CYP3A4: variants seen among roughly 807,000 people sequenced by gnomAD.
CYP3A4 encodes the protein cytochrome P450 family 3 subfamily A member 4.
In CYP3A4, 41 loss-of-function variants were observed where a neutral mutation model predicts 54.9. That is an observed-to-expected ratio of 0.75 (90% CI 0.58 to 0.97). The LOEUF (loss-of-function observed/expected upper bound fraction) is 0.97, where lower values mean the gene tolerates loss of function less well. CYP3A4 is among the 50% of genes least tolerant of loss of function. The pLI, the probability that CYP3A4 is intolerant of heterozygous loss-of-function variation, is 0.00. For synonymous variants in CYP3A4, 179 were observed against 205.2 expected, an observed-to-expected ratio of 0.87 and a Z score of 1.09; for missense variants, 510 against 597.3, an observed-to-expected ratio of 0.85 and a Z score of 1.52.
chr7:99,761,324 G>A (rs958196905), intron 11 of CYP3A4, among the ~76,000 whole-genome samples: 9 of 152,164 alleles, frequency 5.9e-5, no homozygotes, highest in East Asian at 3.9e-4. Context: ...GGAAAAGTAG[G>A]TTCCTGCCTC....
chr7:99,758,705 G>A (rs1356048338), intron 12 of CYP3A4, among the ~76,000 whole-genome samples: 1 of 152,162 alleles, frequency 6.6e-6, no homozygotes, highest in Non-Finnish European at 1.5e-5. Context: ...AGGTAAACCT[G>A]GGTAGTTATT....
intron 3 of CYP3A4, among the ~76,000 whole-genome samples, chr7:99,777,283 A>G (rs980930361): frequency 2.6e-5 from 4 of 152,138 alleles, no homozygotes; most frequent in African/African-American, 9.7e-5. Context: ...GAATAGGCAG[A>G]CACTGGACAG....
At chr7:99,770,059 T>C in intron 5 of CYP3A4, 63 bp downstream of exon 5, 2 of 1,562,010 alleles carry the variant, frequency 1.3e-6, no homozygotes, top group Non-Finnish European at 8.8e-7. Context: ...GATCTTATTT[T>C]ATACCTGTCC....
At chr7:99,760,767 T>G (rs1815298630) in intron 12 of CYP3A4, 52 bp downstream of exon 12, 1 of 1,589,378 alleles carries the variant, frequency 6.3e-7, no homozygotes, top group Non-Finnish European at 8.6e-7. Flanking sequence ...TACAGACCAC[T>G]CAGTTAAAAG....
In CYP3A4 at chr7:99,774,431, G is replaced by A. The variant is rs543244209; in HGVS notation, c.219-1742C>T. 1.8e-4 allele frequency among the ~76,000 whole-genome samples: 28 copies of A among 152,106 alleles called. No homozygotes were observed. The South Asian group carries it at 2.3e-3, about 12-fold the overall frequency. On this transcript the variant is annotated intron_variant, in intron 3 of 12. Transcript: ENST00000651514. ...CAATATCCCTAAAGAATATCGATGC[G>A]AAAATCCTCAATAAAATACTGGCAA...
In CYP3A4 at chr7:99,757,054, T is replaced by C. The variant is rs974020894; in HGVS notation, c.*1079A>G. ...GGTGTTGAGGATGGAATGCAAGAGG[T>C]GTAGGGAAACATGTTTTCTGTCTCC... On this transcript the variant is annotated 3_prime_UTR_variant, in exon 13 of 13. Transcript: ENST00000651514. 8 of 152,094 alleles carry C rather than the reference T, an allele frequency of 5.3e-5. No individual in the cohort carries two copies. Among genetic ancestry groups the C allele is most frequent in the African/African-American group, 1.7e-4 (7 of 41,404 alleles). 9.4% of individuals were successfully genotyped at this position (152,094 alleles called of 1,614,324 possible).
At chr7:99,761,466 T>A (rs1313525653) in intron 11 of CYP3A4, among the ~76,000 whole-genome samples, 1 of 152,000 alleles carries the variant, frequency 6.6e-6, no homozygotes, top group Admixed American at 6.6e-5. Flanking sequence ...CCTCCTTACC[T>A]TGTCTTCTCC....
chr7:99,772,150 G>A (rs1815651806), intron 4 of CYP3A4, among the ~76,000 whole-genome samples: 1 of 152,174 alleles, frequency 6.6e-6, no homozygotes, highest in Non-Finnish European at 1.5e-5. Context: ...ACTTGTGACT[G>A]TAGGATAGCA....
In CYP3A4 at chr7:99,767,930, T is replaced by C. The variant is rs192555051; in HGVS notation, c.670+424A>G. Among the ~76,000 whole-genome samples the C allele has an allele frequency of 4.7e-4, 72 of 152,290 alleles. 1 individual carries two copies. The highest frequency in any genetic ancestry group is 1.7e-3 in the African/African-American group (71 of 41,576). On this transcript the variant is annotated intron_variant, in intron 7 of 12. Transcript: ENST00000651514. ...AAAAAAATCACAAATCAGTAATCTA[T>C]GTTCATGCCACAACATAGTAAACGA...
chr7:99,784,176 C>CA lies in CYP3A4; in HGVS notation c.-96dup. On this transcript the variant is annotated 5_prime_UTR_variant, in exon 1 of 13. Transcript: ENST00000651514. ...ATGTGCATGGAGCTTTCCTGCCCTG[C>CA]ACAGCAGTGATTCAGTGAGGCTGTT... is the stretch of plus-strand genomic sequence containing the variant. 1 of 1,189,108 alleles carries CA rather than the reference C, an allele frequency of 8.4e-7. No homozygotes were observed. Among genetic ancestry groups the CA allele is most frequent in the Non-Finnish European group, 1.2e-6 (1 of 803,508 alleles). The allele number at this position is 1,189,108 out of a possible 1,614,324, so 73.7% of individuals were successfully genotyped here. A position where few individuals can be genotyped will look rare whatever the true frequency, so the allele number is the denominator to read the frequency against.
chr7:99,765,851 G>A (rs766408097), intron 9 of CYP3A4, among the ~76,000 whole-genome samples: 51 of 152,288 alleles, frequency 3.3e-4, no homozygotes, highest in Non-Finnish European at 5.6e-4. Context: ...TAACTTTGCA[G>A]TAGATTAACC....
At chr7:99,773,319 T>G (rs1033049942) in intron 3 of CYP3A4, among the ~76,000 whole-genome samples, 3 of 152,108 alleles carry the variant, frequency 2.0e-5, no homozygotes, top group Admixed American at 6.6e-5. Context: ...TATTCAGAAC[T>G]TGAACTCAGC....
At chr7:99,769,626 G>A in intron 6 of CYP3A4, 142 bp downstream of exon 6, 1 of 736,756 alleles carries the variant, frequency 1.4e-6, no homozygotes, top group South Asian at 1.7e-5. Flanking sequence ...CCCCATCTTG[G>A]GAGACCCATT....
In CYP3A4 at chr7:99,770,221, C is replaced by T. The variant is rs1815594749; in HGVS notation, c.333G>A (p.Val111=). 6.2e-7 allele frequency: 1 copy of T among 1,613,014 alleles called. No homozygotes were observed. Among genetic ancestry groups the T allele is most frequent in the East Asian group, 2.2e-5 (1 of 44,844 alleles). ...TAGAGATGGCACTTTTCATAAATCCCACTGGACCAAAAGGCTAGAGTTCAA... is the reference window on the plus strand; with the variant it reads ...TAGAGATGGCACTTTTCATAAATCCTACTGGACCAAAAGGCTAGAGTTCAA... ...VFTNRRPFGP[V]GFMKSAISIA... Residue 111 remains valine (V), a synonymous_variant, in exon 5 of 13, where the codon GTG becomes GTA. Transcript: ENST00000651514.
chr7:99,780,473 A>C (rs143071998), intron 1 of CYP3A4, among the ~76,000 whole-genome samples: 84 of 152,282 alleles, frequency 5.5e-4, no homozygotes, highest in African/African-American at 1.9e-3. Context: ...TCCTAGGTAG[A>C]AAGGGTGACA....
intron 1 of CYP3A4, among the ~76,000 whole-genome samples, chr7:99,782,761 T>C (rs138687357): frequency 1.3e-5 from 2 of 152,304 alleles, no homozygotes; most frequent in African/African-American, 4.8e-5. Context: ...TCCTCTGCCC[T>C]GAGCGTTTAA....
At chr7:99,770,046 T>C (rs541438347) in intron 5 of CYP3A4, 76 bp downstream of exon 5, 1 of 1,545,442 alleles carries the variant, frequency 6.5e-7, no homozygotes, top group Admixed American at 1.7e-5. Flanking sequence ...GGAAAGGGAC[T>C]GTGATCTTAT....
intron 1 of CYP3A4, among the ~76,000 whole-genome samples, chr7:99,782,135 T>C (rs1331480285): frequency 6.6e-6 from 1 of 152,168 alleles, no homozygotes; most frequent in Non-Finnish European, 1.5e-5. Context: ...CCATGGCAAA[T>C]AAATGACACT....
In CYP3A4 at chr7:99,762,223, G is replaced by T. The variant is rs1214328241; in HGVS notation, c.1071C>A (p.Asp357Glu). ...YDTVLQMEYL[D>E]MVVNETLRLF... The stretch of plus-strand genomic sequence containing the variant: ...ATCTGAGCGTTTCATTCACCACCAT[G>T]TCAAGATACTCCATCTGTAGCACAG... Residue 357 changes from aspartate (D) to glutamate (E), a missense_variant, in exon 11 of 13, where the codon GAC becomes GAA. Coordinates refer to ENST00000651514, the MANE Select transcript of CYP3A4 (RefSeq NM_017460.6). The T allele has an allele frequency of 3.1e-6, 5 of 1,613,952 alleles. No individual in the cohort carries two copies. The highest frequency in any genetic ancestry group is 3.4e-6 in the Non-Finnish European group (4 of 1,180,000).
Sources: allele counts gnomAD v4.1 joint callset (sites outside exome capture counted in the v4.1 genomes callset), GRCh38; gene constraint gnomAD v4.1.1; transcripts MANE v1.5; gene names NCBI Gene and HGNC (gene_info 2026-07-23, HGNC 2026-07-21).